Variants in USP34 observed in about 807,000 individuals in gnomAD.
USP34 encodes the protein ubiquitin specific peptidase 34, also known as ubiquitin carboxyl-terminal hydrolase 34.
A neutral mutation model predicts 460.3 loss-of-function variants in USP34; 70 were observed. The observed-to-expected ratio is 0.15, with a 90% CI of 0.13 to 0.19. USP34 has a LOEUF of 0.19. Among genes scored for constraint, USP34 ranks in the 10% least tolerant of loss-of-function variants. USP34 has a pLI of 1.00. For missense variants in USP34, 3,985 were observed against 4,236.2 expected (o/e 0.94, Z 1.65); for synonymous variants, 1,647 against 1,405.3 (o/e 1.17, Z -3.85).
At chr2:61,232,744 G>C (rs951846939) in intron 57 of USP34, among the ~76,000 whole-genome samples, 1 of 151,168 alleles carries the variant, frequency 6.6e-6, no homozygotes, top group Non-Finnish European at 1.5e-5. Context: ...TTACATTATA[G>C]TACACAATGT....
At chr2:61,272,036 T>C (rs889154757) in intron 41 of USP34, among the ~76,000 whole-genome samples, 12 of 152,232 alleles carry the variant, frequency 7.9e-5, no homozygotes, top group African/African-American at 2.9e-4. Context: ...TTTTACCGCC[T>C]ATTACCCTCT....
chr2:61,252,382 G>A (rs1346649599), intron 48 of USP34, among the ~76,000 whole-genome samples: 1 of 145,340 alleles, frequency 6.9e-6, no homozygotes, highest in African/African-American at 2.5e-5. Context: ...TGCTACTACA[G>A]TAACAATAGC....
At chr2:61,424,183 T>C (rs1396684670) in intron 1 of USP34, among the ~76,000 whole-genome samples, 4 of 152,186 alleles carry the variant, frequency 2.6e-5, no homozygotes, top group African/African-American at 9.7e-5. Context: ...ATCTTTGCTC[T>C]CTTGGACCTC....
At chr2:61,385,064 C>G (rs1448745374) in intron 5 of USP34, among the ~76,000 whole-genome samples, 1 of 152,108 alleles carries the variant, frequency 6.6e-6, no homozygotes, top group African/African-American at 2.4e-5. Context: ...TACATACACA[C>G]AACACCCTAT....
chr2:61,437,852 G>T (rs1694861163), intron 1 of USP34, among the ~76,000 whole-genome samples: 1 of 150,512 alleles, frequency 6.6e-6, no homozygotes, highest in Non-Finnish European at 1.5e-5. Flanking sequence ...TAATGAGATT[G>T]AATCAGTAAC....
chr2:61,358,483 T>G (rs1043415591), intron 10 of USP34, among the ~76,000 whole-genome samples: 1 of 152,060 alleles, frequency 6.6e-6, no homozygotes, highest in East Asian at 1.9e-4. Flanking sequence ...AAAATCAACA[T>G]GATAAAGGGT....
chr2:61,284,972 C>T lies in USP34; in HGVS notation c.4750-15G>A. 6.3e-7 allele frequency: 1 copy of T among 1,591,644 alleles called. No homozygotes were observed. The highest frequency in any genetic ancestry group is 1.1e-5 in the South Asian group (1 of 88,452). On this transcript the variant is annotated splice_polypyrimidine_tract_variant and intron_variant, in intron 34 of 79. Transcript: ENST00000398571. The stretch of plus-strand genomic sequence containing the variant: ...ACAAGAAATACCTTTAAAACAAAAA[C>T]ATTTTAAAAGATATTTAAATACAGC...
chr2:61,342,961 CACA>C (rs1234039145), intron 16 of USP34, among the ~76,000 whole-genome samples: 1 of 152,118 alleles, frequency 6.6e-6, no homozygotes, highest in Non-Finnish European at 1.5e-5. Flanking sequence ...ACCACAACAG[CACA>C]ACAATAAAAT....
intron 58 of USP34, among the ~76,000 whole-genome samples, chr2:61,232,047 A>G (rs918287713): frequency 2.0e-5 from 3 of 152,154 alleles, no homozygotes; most frequent in Non-Finnish European, 4.4e-5. Context: ...TTCGTTTGAC[A>G]GTTCAGACCC....
intron 33 of USP34, among the ~76,000 whole-genome samples, chr2:61,289,209 A>T (rs905148975): frequency 2.0e-5 from 3 of 152,082 alleles, no homozygotes; most frequent in East Asian, 3.8e-4. Context: ...ATAATTTTTT[A>T]AAAAATTAAG....
At chr2:61,419,811 T>C (rs946315187) in intron 2 of USP34, among the ~76,000 whole-genome samples, 1 of 152,196 alleles carries the variant, frequency 6.6e-6, no homozygotes, top group Non-Finnish European at 1.5e-5. Context: ...ATTAGTATTA[T>C]GCAATATTCA....
intron 1 of USP34, among the ~76,000 whole-genome samples, chr2:61,424,286 T>G (rs1174476215): frequency 6.6e-6 from 1 of 152,156 alleles, no homozygotes; most frequent in African/African-American, 2.4e-5. Context: ...CATAATACAA[T>G]GTAAGTATTT....
intron 75 of USP34, among the ~76,000 whole-genome samples, chr2:61,194,999 T>TAAA (rs1400405818): frequency 3.9e-4 from 59 of 149,442 alleles, no homozygotes; most frequent in African/African-American, 1.4e-3. Flanking sequence ...TGACTCACGC[T>TAAA]GGTAATCCCG....
intron 62 of USP34, among the ~76,000 whole-genome samples, chr2:61,224,391 T>A (rs1687671526): frequency 6.6e-6 from 1 of 152,200 alleles, no homozygotes; most frequent in South Asian, 2.1e-4. Context: ...TGATGAGATC[T>A]AGGTTTGACT....
intron 32 of USP34, among the ~76,000 whole-genome samples, chr2:61,294,292 G>A (rs1485009819): frequency 6.6e-6 from 1 of 151,840 alleles, no homozygotes; most frequent in African/African-American, 2.4e-5. Context: ...CTTGCAGCAA[G>A]CAGAGATCGC....
chr2:61,296,624 C>T (rs1450470811), intron 30 of USP34, among the ~76,000 whole-genome samples, 176 bp downstream of exon 30: 1 of 152,214 alleles, frequency 6.6e-6, no homozygotes, highest in African/African-American at 2.4e-5. Context: ...CCATTATTCA[C>T]CCTCACTAAA....
At chr2:61,448,997 T>C (rs1573053503) in intron 1 of USP34, among the ~76,000 whole-genome samples, 1 of 152,002 alleles carries the variant, frequency 6.6e-6, no homozygotes, top group East Asian at 1.9e-4. Flanking sequence ...CTACTAAAAA[T>C]ATAAAAATTA....
rs754470994 is a variant in USP34, at chr2:61,335,343, T to C, written c.2745-1372A>G. 3.3e-5 allele frequency among the ~76,000 whole-genome samples: 5 copies of C among 152,184 alleles called. No individual in the cohort carries two copies. In the East Asian group the frequency reaches 9.6e-4, roughly 29 times the overall value. On this transcript the variant is annotated intron_variant, in intron 18 of 79. Transcript: ENST00000398571. Reference sequence around the variant, plus strand: ...CTAACAAAAGCATAAAAGGGAAGTGTTATAGTCAAACTTACATTTCACAAA... The same window carrying C: ...CTAACAAAAGCATAAAAGGGAAGTGCTATAGTCAAACTTACATTTCACAAA...
At chr2:61,276,531 C>G (rs1459890750) in intron 41 of USP34, among the ~76,000 whole-genome samples, 1 of 152,122 alleles carries the variant, frequency 6.6e-6, no homozygotes, top group Non-Finnish European at 1.5e-5. Context: ...AGGCCATCAC[C>G]ATAGCATGAG....
Sources: allele counts gnomAD v4.1 joint callset (sites outside exome capture counted in the v4.1 genomes callset), GRCh38; gene constraint gnomAD v4.1.1; transcripts MANE v1.5; gene names NCBI Gene and HGNC (gene_info 2026-07-23, HGNC 2026-07-21).